The following SEC23B variants were observed in gnomAD, a reference collection of about 807,000 sequenced individuals.
SEC23B encodes the protein SEC23 homolog B, COPII component.
Under a neutral mutation model 104.3 loss-of-function variants are expected in SEC23B, and 77 were observed. The observed-to-expected ratio is 0.74, with a 90% confidence interval of 0.61 to 0.89. The LOEUF (loss-of-function observed/expected upper bound fraction) is 0.89. Among genes scored for constraint, SEC23B ranks in the 40% least tolerant of loss-of-function variants. SEC23B has a pLI of 0.00. For synonymous variants in SEC23B, 338 were observed against 332.5 expected (o/e 1.02, Z -0.18); for missense variants, 885 against 949.4 (o/e 0.93, Z 0.89).
chr20:18,533,529 A>G (rs993693720), intron 11 of SEC23B, among the ~76,000 whole-genome samples: 3 of 152,198 alleles, frequency 2.0e-5, no homozygotes, highest in Admixed American at 6.5e-5. Flanking sequence ...TATCTGGCAA[A>G]TGGGGATAAT....
chr20:18,528,844 G>T (rs1332130013), intron 9 of SEC23B, among the ~76,000 whole-genome samples: 1 of 152,200 alleles, frequency 6.6e-6, no homozygotes, highest in African/African-American at 2.4e-5. Context: ...TTTTTTCTGT[G>T]AAGAGTTACC....
chr20:18,521,584 G>A (rs867234509), intron 4 of SEC23B, among the ~76,000 whole-genome samples: 2 of 152,170 alleles, frequency 1.3e-5, no homozygotes, highest in African/African-American at 2.4e-5. Flanking sequence ...GTCGTGGAAC[G>A]AAATGGTAAG....
intron 3 of SEC23B, among the ~76,000 whole-genome samples, chr20:18,515,111 A>C (rs2060013535): frequency 3.9e-5 from 6 of 152,158 alleles, no homozygotes; most frequent in Admixed American, 1.3e-4. Context: ...CCAGGAGTTC[A>C]AGACCAGCCT....
At chr20:18,516,475 A>G (rs1233839376) in intron 4 of SEC23B, among the ~76,000 whole-genome samples, 2 of 151,212 alleles carry the variant, frequency 1.3e-5, no homozygotes, top group African/African-American at 4.9e-5. Flanking sequence ...GTAGCTTTGT[A>G]ATGTGCTTTG....
chr20:18,541,756 A>G (rs1858072532), intron 12 of SEC23B, among the ~76,000 whole-genome samples: 1 of 152,218 alleles, frequency 6.6e-6, no homozygotes, highest in Non-Finnish European at 1.5e-5. Context: ...CAGATATATA[A>G]TAATAATGAA....
chr20:18,515,980 T>G, intron 4 of SEC23B: 3 of 483,150 alleles, frequency 6.2e-6, no homozygotes, highest in Non-Finnish European at 1.1e-5. Context: ...CTTCTTCATC[T>G]CAGTTGATGG....
Position 18,546,038 on chromosome 20 carries a change from GTAAT to G in SEC23B, c.1743+6_1743+9del. 7.1e-7 allele frequency: 1 copy of G among 1,414,566 alleles called. No homozygotes were observed. The highest frequency in any genetic ancestry group is 1.0e-6 in the Non-Finnish European group (1 of 998,110). 87.6% of individuals were successfully genotyped at this position (1,414,566 alleles called of 1,614,324 possible). A position where few individuals can be genotyped will look rare whatever the true frequency, so the allele number is the denominator to read the frequency against. ...TCCTTTTCTCTATATCCTCAGGTAA[GTAAT>G]GTATGTTTCTAAAATAACTACAGAG... On this transcript the variant is annotated splice_donor_region_variant and intron_variant, in intron 15 of 19. Coordinates refer to ENST00000650089, the MANE Select transcript of SEC23B (RefSeq NM_006363.6).
rs548489686 is a variant in SEC23B at position 18,542,291 on chromosome 20, T to C, written c.1405-5T>C. 1.2e-6 allele frequency: 2 copies of C among 1,613,912 alleles called. No individual in the cohort carries two copies. Among genetic ancestry groups the C allele is most frequent in the Non-Finnish European group, 8.5e-7 (1 of 1,179,790 alleles). On this transcript the variant is annotated splice_region_variant and splice_polypyrimidine_tract_variant and intron_variant, in intron 12 of 19. Transcript: ENST00000650089. The stretch of plus-strand genomic sequence containing the variant: ...CAGACAAGGTTATGGCCTCTCATCC[T>C]ACAGCACAACACCCCGATCCCCCAA...
chr20:18,509,619 C>G (rs2059964054), intron 1 of SEC23B: 1 of 151,948 alleles, frequency 6.6e-6, no homozygotes, highest in Non-Finnish European at 1.5e-5. Context: ...GAAACAGAGT[C>G]TGGCTCTGTC....
intron 1 of SEC23B, chr20:18,509,889 A>C (rs1433822959): frequency 6.6e-6 from 1 of 152,184 alleles, no homozygotes; most frequent in Non-Finnish European, 1.5e-5. Flanking sequence ...CCTGGCCTTG[A>C]CCACAGCCTG....
chr20:18,525,732 T>G, intron 6 of SEC23B, 56 bp from the exon 7 acceptor site: 1 of 1,591,294 alleles, frequency 6.3e-7, no homozygotes, highest in Non-Finnish European at 8.6e-7. Context: ...CACCTAGTGT[T>G]GAAGACCAGA....
At chr20:18,547,946 A>C (rs1301879954) in intron 15 of SEC23B, among the ~76,000 whole-genome samples, 1 of 152,028 alleles carries the variant, frequency 6.6e-6, no homozygotes, top group Non-Finnish European at 1.5e-5. Context: ...TTTTTTTAAA[A>C]ATTTTTAATT....
intron 17 of SEC23B, among the ~76,000 whole-genome samples, chr20:18,553,855 G>GGCA (rs1893623198): frequency 2.0e-5 from 3 of 152,202 alleles, no homozygotes; most frequent in African/African-American, 7.2e-5. Flanking sequence ...AGTCTGTGTG[G>GGCA]GCAGCCAACA....
At chr20:18,554,744 G>A (rs979144107) in intron 18 of SEC23B, among the ~76,000 whole-genome samples, 9 of 151,326 alleles carry the variant, frequency 5.9e-5, no homozygotes, top group East Asian at 2.0e-4. Context: ...GAAGAATGGC[G>A]TGAACCCGGG....
chr20:18,526,912 T>C (rs1568607284), intron 8 of SEC23B, among the ~76,000 whole-genome samples: 1 of 152,034 alleles, frequency 6.6e-6, no homozygotes. Flanking sequence ...AAACCATATC[T>C]CTACTAAAAA....
chr20:18,535,593 C>A, intron 11 of SEC23B, 60 bp from the exon 12 acceptor site: 1 of 1,325,086 alleles, frequency 7.5e-7, no homozygotes, highest in Non-Finnish European at 1.1e-6. Flanking sequence ...TTTTCATTAG[C>A]AATTAACCAC....
At chr20:18,531,472 C>T (rs919586960) in intron 10 of SEC23B, among the ~76,000 whole-genome samples, 1 of 151,582 alleles carries the variant, frequency 6.6e-6, no homozygotes, top group Non-Finnish European at 1.5e-5. Flanking sequence ...GCCTGACCAA[C>T]AGGGAGAAAC....
rs2060000394 is a variant in SEC23B at position 18,513,654 on chromosome 20, C to T, written c.279+1372C>T. ...GAAGAGGACAGTGTACAATTGATGA[C>T]TGACCATAGGTTCGGAAACTATAAG... On this transcript the variant is annotated intron_variant, in intron 3 of 19. Transcript: ENST00000650089. Among the ~76,000 whole-genome samples the T allele has an allele frequency of 2.0e-5, 3 of 152,202 alleles. No homozygotes were observed. The South Asian group carries it at 6.2e-4, about 31-fold the overall frequency.
At position 18,555,146 on chromosome 20, in the gene SEC23B, A is replaced by G; in HGVS notation, c.2187A>G (p.Thr729=). The G allele has an allele frequency of 6.2e-7, 1 of 1,613,990 alleles. No individual in the cohort carries two copies. Among genetic ancestry groups the G allele is most frequent in the South Asian group, 1.1e-5 (1 of 91,082 alleles). Residue 729 remains threonine, a synonymous_variant, in exon 19 of 20, where the codon ACA becomes ACG. Transcript: ENST00000650089. Reference sequence around the variant, plus strand: ...TGTCCAAAGTGAACCCATCTCAGACACACAATAACCTGTATGCTTGGGGAC... The same window carrying G: ...TGTCCAAAGTGAACCCATCTCAGACGCACAATAACCTGTATGCTTGGGGAC... ...FLLSKVNPSQ[T]HNNLYAWGQE...
Sources: allele counts gnomAD v4.1 joint callset (sites outside exome capture counted in the v4.1 genomes callset), GRCh38; gene constraint gnomAD v4.1.1; transcripts MANE v1.5; gene names NCBI Gene and HGNC (gene_info 2026-07-23, HGNC 2026-07-21).